MAOB: variants seen among roughly 807,000 people sequenced by gnomAD.
MAOB encodes the protein amine oxidase [flavin-containing] B.
In MAOB, 15 loss-of-function variants were observed where a neutral mutation model predicts 41.9. The observed-to-expected ratio is 0.36, with a 90% CI of 0.24 to 0.55. The LOEUF (loss-of-function observed/expected upper bound fraction) is 0.55, where lower values mean the gene tolerates loss of function less well. MAOB is among the 20% of genes least tolerant of loss of function. The pLI, the probability that MAOB is intolerant of heterozygous loss-of-function variation, is 0.86. For missense variants in MAOB, 345 were observed against 398.7 expected (o/e 0.87, Z 1.15); for synonymous variants, 167 against 144.2 (o/e 1.16, Z -1.13).
rs746256156 is a variant in MAOB, at chrX:43,787,493, G to A, written c.928+5926C>T. On this transcript the variant is annotated intron_variant, in intron 8 of 14. Transcript: ENST00000378069. ...TAAACTTGTGCTTTCCAAAGTGGGG[G>A]TGTACACCTAGATTGCACATCTAGA... Among the ~76,000 whole-genome samples the A allele has an allele frequency of 7.1e-5, 8 of 112,158 alleles. No homozygotes were observed. In the South Asian group the frequency reaches 2.9e-3, roughly 41 times the overall value.
At chrX:43,791,427 C>G (rs1442611321) in intron 8 of MAOB, among the ~76,000 whole-genome samples, 1 of 111,714 alleles carries the variant, frequency 9.0e-6, no homozygotes, top group Non-Finnish European at 1.9e-5. Flanking sequence ...AAGATTCTAG[C>G]GTTGTGCTGT....
chrX:43,781,364 C>A, intron 9 of MAOB, 84 bp downstream of exon 9: 1 of 518,010 alleles, frequency 1.9e-6, no homozygotes, highest in Non-Finnish European at 2.9e-6. Context: ...AATCACTTAA[C>A]AAAGTTTGGG....
chrX:43,793,474 C>G lies in MAOB; in HGVS notation c.873G>C (p.Leu291Phe), dbSNP rs778555521. The G allele has an allele frequency of 8.3e-7, 1 of 1,204,981 alleles. No homozygotes were observed. Among genetic ancestry groups the G allele is most frequent in the Non-Finnish European group, 1.1e-6 (1 of 890,358 alleles). ...AAACTATACACTTGATGACTGAACC[C>G]AAAGGCACACGAGTGATCATCTGGT... ...MRNQMITRVP[L>F]GSVIKCIVYY... The change falls in exon 8 of 15, where the codon TTG becomes TTC. Residue 291 changes from leucine to phenylalanine, a missense_variant. Physicochemically the swap from Leu to Phe is conservative, Grantham distance 22. Coordinates refer to ENST00000378069, the MANE Select transcript of MAOB (RefSeq NM_000898.5).
chrX:43,800,600 T>C (rs1189710346), intron 5 of MAOB, among the ~76,000 whole-genome samples: 2 of 111,232 alleles, frequency 1.8e-5, no homozygotes, highest in African/African-American at 6.5e-5. Context: ...ATGTTTATTA[T>C]AGAGTATTGT....
chrX:43,785,901 A>G (rs2034392455), intron 8 of MAOB, among the ~76,000 whole-genome samples: 2 of 112,115 alleles, frequency 1.8e-5, no homozygotes, highest in Admixed American at 1.9e-4. Context: ...AGGGCCACTG[A>G]TCACAGATCA....
intron 12 of MAOB, among the ~76,000 whole-genome samples, chrX:43,772,104 T>C (rs1424530999): frequency 8.9e-6 from 1 of 112,014 alleles, no homozygotes; most frequent in Non-Finnish European, 1.9e-5. Flanking sequence ...TCAGAACATG[T>C]ACTGTGAACT....
chrX:43,832,271 G>A (rs1569225016), intron 3 of MAOB, among the ~76,000 whole-genome samples: 1 of 112,263 alleles, frequency 8.9e-6, no homozygotes, highest in Non-Finnish European at 1.9e-5. Context: ...TAATCTGGAA[G>A]GCCAACCAAG....
intron 3 of MAOB, among the ~76,000 whole-genome samples, chrX:43,803,796 C>G (rs1399127969): frequency 1.8e-5 from 2 of 111,224 alleles, no homozygotes; most frequent in African/African-American, 6.5e-5. Context: ...TAACTATAAG[C>G]ATTATACAAC....
intron 8 of MAOB, among the ~76,000 whole-genome samples, chrX:43,783,597 T>C: frequency 8.9e-6 from 1 of 112,455 alleles, no homozygotes; most frequent in East Asian, 2.8e-4. Flanking sequence ...AATTTAAGCA[T>C]ACTTTATTAC....
chrX:43,871,962 AGCTGTTTGATCAGCTGTTAC>A (rs2035410957), intron 1 of MAOB, among the ~76,000 whole-genome samples: 1 of 112,007 alleles, frequency 8.9e-6, no homozygotes, highest in Admixed American at 9.5e-5. Flanking sequence ...AACATGAAAC[AGCTGTTTGATCAGCTGTTAC>A]AATAGGCTGT....
rs995875493 is a variant in MAOB at position 43,817,680 on chromosome X, T to C, written c.280-14276A>G. ...ACTTCTCTTTCCCCATCTACCACTC[T>C]CTCCCTTTGTTCACTTGCCTCCCTG... On this transcript the variant is annotated intron_variant, in intron 3 of 14. Transcript: ENST00000378069. Among the ~76,000 whole-genome samples the C allele has an allele frequency of 1.7e-4, 19 of 111,911 alleles. No individual in the cohort carries two copies. The Admixed American group carries it at 1.7e-3, about 10-fold the overall frequency.
chrX:43,881,272 C>A (rs2035471377), intron 1 of MAOB, among the ~76,000 whole-genome samples: 1 of 113,461 alleles, frequency 8.8e-6, no homozygotes, highest in African/African-American at 3.2e-5. Context: ...GCAAGGCCAA[C>A]CTCTACTTCC....
chrX:43,767,944 G>A (rs2034132314), intron 14 of MAOB, among the ~76,000 whole-genome samples: 1 of 111,996 alleles, frequency 8.9e-6, no homozygotes, highest in Non-Finnish European at 1.9e-5. Context: ...ATGCTGCTGT[G>A]CCTTTGCCAC....
At chrX:43,780,864 T>C (rs2034323109) in intron 9 of MAOB, among the ~76,000 whole-genome samples, 1 of 112,018 alleles carries the variant, frequency 8.9e-6, no homozygotes, top group Non-Finnish European at 1.9e-5. Flanking sequence ...CAATTAGCTT[T>C]GATCTCTCTG....
Position 43,778,672 on chromosome X carries a change from GC to G in MAOB, c.1137+9del. 1 of 1,202,508 alleles carries G rather than the reference GC, an allele frequency of 8.3e-7. No homozygotes were observed. On this transcript the variant is annotated intron_variant, in intron 11 of 14. Coordinates refer to ENST00000378069, the MANE Select transcript of MAOB (RefSeq NM_000898.5). ...CTCACCCTTAGTATAGGGTTGGGAAGCAGCCTTACCTCCAGAGCTTCTAGGG... is the reference window on the plus strand; with the variant it reads ...CTCACCCTTAGTATAGGGTTGGGAAGAGCCTTACCTCCAGAGCTTCTAGGG...
intron 5 of MAOB, among the ~76,000 whole-genome samples, chrX:43,799,557 T>C: frequency 9.0e-6 from 1 of 111,230 alleles, no homozygotes; most frequent in East Asian, 2.8e-4. Context: ...AAGGGAGATC[T>C]AAAAGTAATT....
chrX:43,844,737 C>T (rs2035181659), intron 1 of MAOB: 2 of 112,532 alleles, frequency 1.8e-5, no homozygotes, highest in South Asian at 7.5e-4. Flanking sequence ...CTCCTCCTGC[C>T]TTTGGACATC....
intron 3 of MAOB, among the ~76,000 whole-genome samples, chrX:43,807,891 C>A (rs780944142): frequency 4.5e-5 from 5 of 111,500 alleles, no homozygotes; most frequent in Admixed American, 9.6e-5. Context: ...ACACACAATG[C>A]CCCGATTTAT....
chrX:43,847,754 A>G (rs1912014137), intron 1 of MAOB, among the ~76,000 whole-genome samples: 1 of 112,491 alleles, frequency 8.9e-6, no homozygotes, highest in African/African-American at 3.2e-5. Flanking sequence ...ACAATTTAGG[A>G]GCAAGCTTAT....
Sources: allele counts gnomAD v4.1 joint callset (sites outside exome capture counted in the v4.1 genomes callset), GRCh38; gene constraint gnomAD v4.1.1; transcripts MANE v1.5; gene names NCBI Gene and HGNC (gene_info 2026-07-23, HGNC 2026-07-21).